Variants in LOC122539214 observed in about 807,000 individuals in gnomAD.
the LOC122539214 span, chr19:52,654,237 T>C: frequency 6.3e-6 from 10 of 1,577,664 alleles, no homozygotes; most frequent in South Asian, 1.0e-4. Flanking sequence ...TTCTTTTAAT[T>C]TCTTGCCACT....
At chr19:52,681,024 C>T in the LOC122539214 span, among the ~76,000 whole-genome samples, 2,087 of 151,754 alleles carry the variant, frequency 0.014, 33 homozygotes, top group African/African-American at 0.043. Flanking sequence ...GTGGCTCATG[C>T]CTGTAATCAA....
At chr19:52,676,495 G>A in the LOC122539214 span, among the ~76,000 whole-genome samples, 3 of 151,414 alleles carry the variant, frequency 2.0e-5, no homozygotes, top group Non-Finnish European at 3.0e-5. Context: ...CCGTCCGGGA[G>A]GGAGGTGGGG....
At chr19:52,670,081 C>T in the LOC122539214 span, among the ~76,000 whole-genome samples, 2 of 152,138 alleles carry the variant, frequency 1.3e-5, no homozygotes, top group Non-Finnish European at 1.5e-5. Context: ...CAACCTTTTT[C>T]GATCACCTGC....
At chr19:52,678,592 T>C in the LOC122539214 span, among the ~76,000 whole-genome samples, 1 of 151,926 alleles carries the variant, frequency 6.6e-6, no homozygotes, top group Non-Finnish European at 1.5e-5. Context: ...CTGGAATAAA[T>C]GAGACATGAA....
chr19:52,672,542 G>C, the LOC122539214 span, among the ~76,000 whole-genome samples: 15 of 152,346 alleles, frequency 9.8e-5, no homozygotes, highest in East Asian at 2.5e-3. Flanking sequence ...GTGCCCAACA[G>C]TTGGAGTCCA....
chr19:52,654,103 A>G, the LOC122539214 span: 6 of 1,604,686 alleles, frequency 3.7e-6, no homozygotes, highest in Admixed American at 1.0e-4. Context: ...CAGTTCAGGC[A>G]GATGTGAATA....
At chr19:52,665,762 C>T in the LOC122539214 span, among the ~76,000 whole-genome samples, 4 of 152,146 alleles carry the variant, frequency 2.6e-5, no homozygotes, top group African/African-American at 9.7e-5. Flanking sequence ...GGGAATGACA[C>T]AGCAGCAGGG....
the LOC122539214 span, among the ~76,000 whole-genome samples, chr19:52,670,571 T>C: frequency 6.6e-6 from 1 of 152,362 alleles, no homozygotes; most frequent in Non-Finnish European, 1.5e-5. Context: ...AAATGAGTTA[T>C]ATTTGTCATG....
chr19:52,681,360 A>G, the LOC122539214 span, among the ~76,000 whole-genome samples: 1 of 151,834 alleles, frequency 6.6e-6, no homozygotes, highest in East Asian at 1.9e-4. Context: ...GGTGATATTC[A>G]TTACCTAGAT....
At chr19:52,681,420 A>G in the LOC122539214 span, among the ~76,000 whole-genome samples, 1 of 152,120 alleles carries the variant, frequency 6.6e-6, no homozygotes, top group Non-Finnish European at 1.5e-5. Flanking sequence ...AATGAATTTG[A>G]TAGAAAAGAA....
chr19:52,668,646 G>A, the LOC122539214 span, among the ~76,000 whole-genome samples: 2 of 152,124 alleles, frequency 1.3e-5, no homozygotes, highest in Non-Finnish European at 2.9e-5. Context: ...AGAAATAGGA[G>A]ACCTAAGGCA....
At chr19:52,668,809 C>A in the LOC122539214 span, among the ~76,000 whole-genome samples, 1 of 152,208 alleles carries the variant, frequency 6.6e-6, no homozygotes, top group Non-Finnish European at 1.5e-5. Context: ...GGGCTGTCCT[C>A]CAGTAGACCA....
At chr19:52,665,112 A>T in the LOC122539214 span, among the ~76,000 whole-genome samples, 5 of 152,200 alleles carry the variant, frequency 3.3e-5, no homozygotes, top group Non-Finnish European at 7.3e-5. Flanking sequence ...AACCAATTAG[A>T]AATCCTCTCC....
chr19:52,653,250 A>C, the LOC122539214 span: 1 of 1,524,608 alleles, frequency 6.6e-7, no homozygotes, highest in Non-Finnish European at 9.0e-7. Flanking sequence ...CTCCAGTATG[A>C]AGCCTATAAT....
At chr19:52,665,392 C>T in the LOC122539214 span, among the ~76,000 whole-genome samples, 26 of 151,578 alleles carry the variant, frequency 1.7e-4, no homozygotes, top group African/African-American at 6.1e-4. Flanking sequence ...CCCAGAGTTC[C>T]CTCCTCCGTC....
At chr19:52,680,894 G>C in the LOC122539214 span, among the ~76,000 whole-genome samples, 1 of 151,496 alleles carries the variant, frequency 6.6e-6, no homozygotes, top group Non-Finnish European at 1.5e-5. Flanking sequence ...TTACAGGCGT[G>C]AGCCACCGCG....
At chr19:52,678,497 T>C in the LOC122539214 span, among the ~76,000 whole-genome samples, 1 of 151,676 alleles carries the variant, frequency 6.6e-6, no homozygotes, top group Non-Finnish European at 1.5e-5. Flanking sequence ...GGGTAAATCT[T>C]GTTTCTTATG....
At chr19:52,682,124 G>GC in the LOC122539214 span, among the ~76,000 whole-genome samples, 1 of 152,068 alleles carries the variant, frequency 6.6e-6, no homozygotes, top group Non-Finnish European at 1.5e-5. Flanking sequence ...GGGATTACGG[G>GC]CATGAGCCAC....
At chr19:52,663,879 A>C in the LOC122539214 span, among the ~76,000 whole-genome samples, 1 of 152,158 alleles carries the variant, frequency 6.6e-6, no homozygotes, top group Non-Finnish European at 1.5e-5. Context: ...AGAAGCAGTT[A>C]TTTATTTTAC....
Sources: allele counts gnomAD v4.1 joint callset (sites outside exome capture counted in the v4.1 genomes callset), GRCh38; gene constraint gnomAD v4.1.1; transcripts MANE v1.5.